Variants in RNF216 observed in about 807,000 individuals in gnomAD.
RNF216 encodes the protein E3 ubiquitin-protein ligase RNF216.
RNF216 carries 72 observed loss-of-function variants against 110.8 expected under a neutral mutation model. That is an observed-to-expected ratio of 0.65 (90% CI 0.54 to 0.79). RNF216 has a LOEUF of 0.79. Among genes scored for constraint, RNF216 ranks in the 30% least tolerant of loss-of-function variants. The pLI is 0.00. For missense variants in RNF216, 1,342 were observed against 1,141.2 expected (o/e 1.18, Z -2.54); for synonymous variants, 495 against 407.5 (o/e 1.21, Z -2.59).
chr7:5,729,524 C>T lies in RNF216; in HGVS notation c.1297G>A (p.Asp433Asn). 1 of 1,614,112 alleles carries T rather than the reference C, an allele frequency of 6.2e-7. No homozygotes were observed. Among genetic ancestry groups the T allele is most frequent in the Non-Finnish European group, 8.5e-7 (1 of 1,180,006 alleles). ...ACTTTGAAGTCGGCCATGAGGAGGTCAGCAGCTTGGATGAAGCAGCGCTGG... is the reference window on the plus strand; with the variant it reads ...ACTTTGAAGTCGGCCATGAGGAGGTTAGCAGCTTGGATGAAGCAGCGCTGG... Reference protein sequence around the residue: ...LDQRCFIQAADLLMADFKVLS... With the variant: ...LDQRCFIQAANLLMADFKVLS... Residue 433 changes from aspartate (D) to asparagine (N), a missense_variant, in exon 7 of 17, where the codon GAC (aspartate) becomes AAC (asparagine). Asp to Asn is a conservative substitution (Grantham distance 23). Coordinates refer to ENST00000389902, the MANE Select transcript of RNF216 (RefSeq NM_207111.4).
At chr7:5,644,272 C>T (rs183457364) in intron 14 of RNF216, among the ~76,000 whole-genome samples, 64 of 152,204 alleles carry the variant, frequency 4.2e-4, no homozygotes, top group Non-Finnish European at 6.6e-4. Context: ...TTAACTATGG[C>T]GGCTACACTA....
At chr7:5,626,079 G>A (rs1047193751) in intron 15 of RNF216, among the ~76,000 whole-genome samples, 2 of 152,192 alleles carry the variant, frequency 1.3e-5, no homozygotes, top group African/African-American at 4.8e-5. Context: ...CATTTCAAGA[G>A]TTGCAAAGTG....
At chr7:5,688,359 C>G (rs1791115802) in intron 13 of RNF216, among the ~76,000 whole-genome samples, 1 of 152,130 alleles carries the variant, frequency 6.6e-6, no homozygotes, top group African/African-American at 2.4e-5. Context: ...TCAGACAAAC[C>G]GCATGTCAAA....
intron 7 of RNF216, among the ~76,000 whole-genome samples, chr7:5,726,031 C>T (rs1301552902): frequency 6.6e-6 from 1 of 152,082 alleles, no homozygotes; most frequent in Non-Finnish European, 1.5e-5. Context: ...AATCCTAGCA[C>T]TGTGGGAGGA....
At chr7:5,737,469 T>G (rs933517452) in intron 5 of RNF216, among the ~76,000 whole-genome samples, 26 of 152,076 alleles carry the variant, frequency 1.7e-4, no homozygotes, top group African/African-American at 5.6e-4. Flanking sequence ...ACTATTGTCC[T>G]GTGACCCTGC....
In RNF216 at chr7:5,741,503, G is replaced by T; in HGVS notation, c.514C>A (p.Pro172Thr). Residue 172 changes from proline to threonine, a missense_variant, in exon 4 of 17, where the codon CCC becomes ACC. Coordinates refer to ENST00000389902, the MANE Select transcript of RNF216 (RefSeq NM_207111.4). The stretch of plus-strand genomic sequence containing the variant: ...ATGATGACTTTCTGCTCTGATCTGG[G>T]GTTGACAATGTCATTTGCTGCTTGG... ...HNQAANDIVN[P>T]RSEQKVIILE... 2 of 1,614,154 alleles carry T rather than the reference G, an allele frequency of 1.2e-6. No individual in the cohort carries two copies. The highest frequency in any genetic ancestry group is 1.1e-5 in the South Asian group (1 of 91,086).
chr7:5,726,759 T>C (rs1793777347), intron 7 of RNF216, among the ~76,000 whole-genome samples: 1 of 151,380 alleles, frequency 6.6e-6, no homozygotes, highest in African/African-American at 2.4e-5. Flanking sequence ...CTTGGGGGGC[T>C]AAGGCATGAG....
chr7:5,754,951 C>T (rs184255089), intron 2 of RNF216, among the ~76,000 whole-genome samples: 23 of 150,954 alleles, frequency 1.5e-4, no homozygotes, highest in African/African-American at 5.6e-4. Context: ...TCGCTTTAAC[C>T]TGGGAGATGG....
intron 8 of RNF216, among the ~76,000 whole-genome samples, chr7:5,722,670 A>G (rs1292956737): frequency 2.6e-5 from 4 of 151,890 alleles, no homozygotes; most frequent in African/African-American, 9.7e-5. Flanking sequence ...GATTACAGGC[A>G]TGAGCCACCG....
chr7:5,772,035 A>G (rs1318018228), intron 1 of RNF216, among the ~76,000 whole-genome samples: 1 of 152,188 alleles, frequency 6.6e-6, no homozygotes, highest in East Asian at 1.9e-4. Context: ...GGAGTTCGAG[A>G]CCAGCCTGAC....
intron 6 of RNF216, among the ~76,000 whole-genome samples, chr7:5,729,901 G>GT (rs942410181): frequency 1.5e-4 from 23 of 152,118 alleles, no homozygotes; most frequent in African/African-American, 5.3e-4. Flanking sequence ...TACAGAATAC[G>GT]TAAGAGAGAC....
At chr7:5,623,268 CG>C in intron 16 of RNF216, 89 bp from the exon 17 acceptor site, 2 of 1,227,090 alleles carry the variant, frequency 1.6e-6, no homozygotes, top group Non-Finnish European at 2.3e-6. Flanking sequence ...CCTCTGGACA[CG>C]GGAGTGGCTC....
At chr7:5,708,683 C>T (rs1792459345) in intron 13 of RNF216, among the ~76,000 whole-genome samples, 1 of 152,180 alleles carries the variant, frequency 6.6e-6, no homozygotes, top group Admixed American at 6.5e-5. Flanking sequence ...CAAGCTCTTG[C>T]TTCTTCTGGT....
At chr7:5,743,248 A>T (rs1404055985) in intron 3 of RNF216, among the ~76,000 whole-genome samples, 3 of 152,124 alleles carry the variant, frequency 2.0e-5, no homozygotes, top group Admixed American at 6.5e-5. Context: ...GAGACAGAGC[A>T]AGACTCTGTC....
chr7:5,676,281 G>C (rs1790288791), intron 13 of RNF216, among the ~76,000 whole-genome samples: 1 of 152,130 alleles, frequency 6.6e-6, no homozygotes, highest in Non-Finnish European at 1.5e-5. Flanking sequence ...CAAAGTGGGA[G>C]GCATTGACCA....
At chr7:5,753,154 T>C (rs984889803) in intron 2 of RNF216, among the ~76,000 whole-genome samples, 175 bp from the exon 3 acceptor site, 1 of 152,200 alleles carries the variant, frequency 6.6e-6, no homozygotes, top group African/African-American at 2.4e-5. Context: ...ATGCTGACTT[T>C]TGCCAATAAC....
intron 5 of RNF216, among the ~76,000 whole-genome samples, chr7:5,736,016 C>G (rs1794375392): frequency 6.6e-6 from 1 of 152,210 alleles, no homozygotes; most frequent in Non-Finnish European, 1.5e-5. Flanking sequence ...TCACTTGAAC[C>G]TGGGAGATGG....
At chr7:5,676,248 G>C (rs1790285220) in intron 13 of RNF216, among the ~76,000 whole-genome samples, 2 of 152,114 alleles carry the variant, frequency 1.3e-5, no homozygotes, top group Non-Finnish European at 2.9e-5. Context: ...CTGGTCTCAA[G>C]TGATCGGCCC....
chr7:5,652,374 GA>G, intron 14 of RNF216, 38 bp downstream of exon 14: 1 of 1,437,002 alleles, frequency 7.0e-7, no homozygotes, highest in Non-Finnish European at 9.8e-7. Context: ...TGGGGAAGTT[GA>G]GAATCAGCCC....
Sources: gnomAD v4.1 joint callset for allele counts (sites outside exome capture counted in the v4.1 genomes callset) on GRCh38, gnomAD v4.1.1 for gene constraint, MANE v1.5 for transcripts, NCBI Gene and HGNC (gene_info 2026-07-23, HGNC 2026-07-21) for gene names.